Variants in HK1 observed in about 807,000 individuals in gnomAD.
HK1 encodes hexokinase 1.
Under a neutral mutation model 91.6 loss-of-function variants are expected in HK1, and 28 were observed. That is an observed-to-expected ratio of 0.31 (90% CI 0.23 to 0.42). The LOEUF is 0.42. HK1 is among the 10% of genes least tolerant of loss of function. The pLI is 1.00. For synonymous variants in HK1, 430 were observed against 468.1 expected (o/e 0.92, Z 1.05); for missense variants, 770 against 1,219.8 (o/e 0.63, Z 5.49).
chr10:69,401,574 G>A lies in HK1; in HGVS notation c.*439G>A. 3 of 371,298 alleles carry A rather than the reference G, an allele frequency of 8.1e-6. No homozygotes were observed. Among genetic ancestry groups the A allele is most frequent in the South Asian group, 4.0e-5 (2 of 50,032 alleles). 23.0% of individuals were successfully genotyped at this position (371,298 alleles called of 1,614,324 possible). ...AGACACTGCCGGGCCTCCCTCCCGG[G>A]GGCACTGCCTGAAGGCGAGTGTGGG... On this transcript the variant is annotated 3_prime_UTR_variant, in exon 18 of 18. Coordinates refer to ENST00000359426, the MANE Select transcript of HK1 (RefSeq NM_000188.3).
chr10:69,311,701 G>A (rs1162099502), upstream of HK1, among the ~76,000 whole-genome samples: 4 of 151,830 alleles, frequency 2.6e-5, no homozygotes, highest in Admixed American at 1.3e-4. Flanking sequence ...TAGTGGCACA[G>A]TCTTGGCTCA....
intron 4 of HK1, among the ~76,000 whole-genome samples, chr10:69,297,136 A>T (rs1031333563): frequency 6.6e-6 from 1 of 152,238 alleles, no homozygotes; most frequent in African/African-American, 2.4e-5. Flanking sequence ...CCTTACTGAT[A>T]ACATAAAGTC....
Position 69,286,230 on chromosome 10 carries a change from G to T in HK1, c.-214-2441G>T, listed in dbSNP as rs1480612788. On this transcript the variant is annotated intron_variant, in intron 2 of 21. Transcript: ENST00000360289. ...TCATAAATTATAGCTGAGTACAGTGGCTGACACCTGTAATCCCAGCACTTT... is the reference window on the plus strand; with the variant it reads ...TCATAAATTATAGCTGAGTACAGTGTCTGACACCTGTAATCCCAGCACTTT... 7.9e-5 allele frequency among the ~76,000 whole-genome samples: 12 copies of T among 152,166 alleles called. 1 individual carries two copies. The East Asian group carries it at 1.9e-3, about 24-fold the overall frequency.
intron 17 of HK1, among the ~76,000 whole-genome samples, chr10:69,399,962 CCT>C (rs1840315184): frequency 6.6e-6 from 1 of 152,134 alleles, no homozygotes; most frequent in Admixed American, 6.5e-5. Context: ...TCCATCCTCA[CCT>C]CTGTCTCTCC....
chr10:69,305,271 T>C (rs750707670), intron 5 of HK1, among the ~76,000 whole-genome samples: 2 of 152,138 alleles, frequency 1.3e-5, no homozygotes, highest in Non-Finnish European at 2.9e-5. Flanking sequence ...CTTTCATCTC[T>C]GGCCAGAGCT....
At chr10:69,356,010 C>A (rs1171324966) in intron 2 of HK1, among the ~76,000 whole-genome samples, 1 of 152,150 alleles carries the variant, frequency 6.6e-6, no homozygotes, top group East Asian at 1.9e-4. Flanking sequence ...AATGTGGGAG[C>A]TAAAACTAAT....
upstream of HK1, among the ~76,000 whole-genome samples, chr10:69,316,191 G>A (rs765150288): frequency 6.6e-6 from 1 of 152,214 alleles, no homozygotes; most frequent in Non-Finnish European, 1.5e-5. Context: ...TGCGGCCAGA[G>A]TGGAGGAAGA....
rs372910246 is a variant in HK1, at chr10:69,285,727, G to A, written c.-214-2944G>A. Among the ~76,000 whole-genome samples the A allele has an allele frequency of 1.1e-4, 17 of 152,272 alleles. No homozygotes were observed. In the South Asian group the frequency reaches 1.5e-3, roughly 13 times the overall value. ...TACCAGAGAGAGGGCCAGTTACTTC[G>A]GGGTGGAGAGTATATGGAGAATGGA... On this transcript the variant is annotated intron_variant, in intron 2 of 21. Transcript: ENST00000360289.
chr10:69,289,477 T>TTTA (rs1845190938), intron 3 of HK1, among the ~76,000 whole-genome samples: 1 of 73,026 alleles, frequency 1.4e-5, no homozygotes, highest in African/African-American at 4.2e-5. Flanking sequence ...TTTTTTTTTT[T>TTTA]TTTTTTTTTT....
rs928868061 is a variant in HK1 at position 69,369,761 on chromosome 10, C to T, written c.875+137C>T. 56 of 858,254 alleles carry T rather than the reference C, an allele frequency of 6.5e-5. No homozygotes were observed. Among genetic ancestry groups the T allele is most frequent in the South Asian group, 2.2e-4 (15 of 67,466 alleles). The allele number at this position is 858,254 out of a possible 1,614,324, so 53.2% of individuals were successfully genotyped here. A position where few individuals can be genotyped will look rare whatever the true frequency, so the allele number is the denominator to read the frequency against. On this transcript the variant is annotated intron_variant, in intron 7 of 17. Transcript: ENST00000359426. This position sits in a 1 kb window ranked among gnomAD's most constrained non-coding sequence, Gnocchi z 4.4. ...AGCCTGTCACATTTTTTTTTTGAGG[C>T]GGAGTCTTGCTCTGTCACCCAGGCT...
intron 4 of HK1, 89 bp from the exon 5 acceptor site, chr10:69,368,447 C>A: frequency 1.7e-6 from 2 of 1,179,858 alleles, no homozygotes; most frequent in Non-Finnish European, 2.5e-6. Flanking sequence ...TGGGCTTCTG[C>A]TTCATCCCTG....
chr10:69,367,194 G>A (rs180836344), intron 4 of HK1, among the ~76,000 whole-genome samples: 1 of 152,280 alleles, frequency 6.6e-6, no homozygotes, highest in African/African-American at 2.4e-5. Context: ...GTGTCCACCT[G>A]CCAGCCTTCA....
intron 1 of HK1, among the ~76,000 whole-genome samples, chr10:69,279,990 T>C (rs1190229983): frequency 6.6e-6 from 1 of 152,222 alleles, no homozygotes; most frequent in African/African-American, 2.4e-5. Flanking sequence ...ACCACCCATA[T>C]TGTCATCCTT....
chr10:69,328,770 A>G (rs1847527696), intron 1 of HK1, among the ~76,000 whole-genome samples: 1 of 152,224 alleles, frequency 6.6e-6, no homozygotes, highest in Non-Finnish European at 1.5e-5. Context: ...CACCCTCCGA[A>G]AAAAACTACC....
chr10:69,398,938 G>A, intron 17 of HK1, 110 bp downstream of exon 17: 3 of 765,194 alleles, frequency 3.9e-6, no homozygotes, highest in Non-Finnish European at 6.7e-6. Context: ...AGCCCAGCCA[G>A]GCTGAAGGCT....
Position 69,276,118 on chromosome 10 carries a change from A to AAATATATAT in HK1, c.-391+6011_-391+6012insATATATATA. Among the ~76,000 whole-genome samples, 39 of 38,266 alleles carry AAATATATAT rather than the reference A, an allele frequency of 1.0e-3. 3 individuals carry two copies. Among genetic ancestry groups the AAATATATAT allele is most frequent in the Admixed American group, 1.7e-3 (3 of 1,798 alleles). 25.1% of individuals were successfully genotyped at this position (38,266 alleles called of 152,430 possible). The stretch of plus-strand genomic sequence containing the variant: ...AAAAAAAAAAAAAAAAAAAAAAAAA[A>AAATATATAT]ATACATATATATATATATATACACA... On this transcript the variant is annotated intron_variant, in intron 1 of 21. Transcript: ENST00000360289.
At chr10:69,316,175 C>T (rs1390227290), upstream of HK1, among the ~76,000 whole-genome samples, 1 of 152,006 alleles carries the variant, frequency 6.6e-6, no homozygotes, top group Non-Finnish European at 1.5e-5. Flanking sequence ...TGGGAAGTGG[C>T]CTTGTTGCGG....
intron 3 of HK1, among the ~76,000 whole-genome samples, chr10:69,293,144 C>T (rs1845373645): frequency 6.6e-6 from 1 of 152,238 alleles, no homozygotes; most frequent in Non-Finnish European, 1.5e-5. Flanking sequence ...CCCCTGCTCC[C>T]TATCTGGCAT....
rs1840244120 is a variant in HK1, at chr10:69,398,579, C to T, written c.2376-16C>T. The T allele has an allele frequency of 2.5e-6, 4 of 1,607,076 alleles. No homozygotes were observed. ...GGTCCTGCTTCATCCAGCCCTCTGGCTCTTGTCCCCCACAGTGACCGATTA... is the reference window on the plus strand; with the variant it reads ...GGTCCTGCTTCATCCAGCCCTCTGGTTCTTGTCCCCCACAGTGACCGATTA... On this transcript the variant is annotated splice_polypyrimidine_tract_variant and intron_variant, in intron 16 of 17. Transcript: ENST00000359426.
Sources: allele counts gnomAD v4.1 joint callset (sites outside exome capture counted in the v4.1 genomes callset), GRCh38; gene constraint gnomAD v4.1.1; non-coding constraint Gnocchi (gnomAD v3.1); transcripts MANE v1.5; gene names NCBI Gene and HGNC (gene_info 2026-07-23, HGNC 2026-07-21).